The following CDH10 variants were observed in gnomAD, a reference collection of about 807,000 sequenced individuals.
CDH10 encodes the protein cadherin 10, also known as cadherin-10.
A neutral mutation model predicts 73.1 loss-of-function variants in CDH10; 30 were observed. The ratio of observed to expected loss-of-function variants is 0.41; its 90% CI spans 0.31 to 0.56. The LOEUF (loss-of-function observed/expected upper bound fraction) is 0.56, where lower values mean the gene tolerates loss of function less well. Among genes scored for constraint, CDH10 ranks in the 20% least tolerant of loss-of-function variants. CDH10 has a pLI of 0.27. For missense variants in CDH10, 815 were observed against 973.7 expected (o/e 0.84, Z 2.17); for synonymous variants, 345 against 348.2 (o/e 0.99, Z 0.10).
At chr5:24,522,002 C>T (rs190640111) in intron 5 of CDH10, among the ~76,000 whole-genome samples, 8 of 152,060 alleles carry the variant, frequency 5.3e-5, no homozygotes, top group Non-Finnish European at 8.8e-5. Context: ...GGTATGGTGG[C>T]AGGCGCCTGT....
At chr5:24,629,864 T>G (rs1747644706) in intron 1 of CDH10, among the ~76,000 whole-genome samples, 1 of 152,170 alleles carries the variant, frequency 6.6e-6, no homozygotes, top group African/African-American at 2.4e-5. Flanking sequence ...GGCAGTTCTT[T>G]ATAGCAGTGT....
intron 8 of CDH10, among the ~76,000 whole-genome samples, 189 bp from the exon 9 acceptor site, chr5:24,498,708 A>G (rs112950997): frequency 2.6e-5 from 4 of 152,294 alleles, no homozygotes; most frequent in African/African-American, 9.6e-5. Context: ...GAATTCAGTT[A>G]TTATTGGGCA....
chr5:24,603,355 C>T lies in CDH10; in HGVS notation c.-123-9742G>A, dbSNP rs12374563. 9.8e-3 allele frequency among the ~76,000 whole-genome samples: 1,491 copies of T among 152,166 alleles called. 24 individuals carry two copies. Among genetic ancestry groups the T allele is most frequent in the African/African-American group, 0.034 (1,418 of 41,498 alleles). On this transcript the variant is annotated intron_variant, in intron 1 of 11. Coordinates refer to ENST00000264463, the MANE Select transcript of CDH10 (RefSeq NM_006727.5). ...ATGTATCATTACTCTGACACCAAAA[C>T]GATAAAACATTACAAAGAGGAGAAT...
intron 1 of CDH10, among the ~76,000 whole-genome samples, chr5:24,628,477 G>A (rs1747584078): frequency 2.0e-5 from 3 of 152,186 alleles, no homozygotes; most frequent in Admixed American, 1.3e-4. Context: ...TAATTCCATT[G>A]CCACCCCTCA....
chr5:24,561,104 C>G (rs1744946522), intron 2 of CDH10, among the ~76,000 whole-genome samples: 1 of 152,098 alleles, frequency 6.6e-6, no homozygotes, highest in Non-Finnish European at 1.5e-5. Flanking sequence ...ACACACTATG[C>G]TCTCAATAAG....
At chr5:24,634,448 T>A (rs1747806106) in intron 1 of CDH10, among the ~76,000 whole-genome samples, 1 of 151,726 alleles carries the variant, frequency 6.6e-6, no homozygotes, top group African/African-American at 2.4e-5. Context: ...AATAGAATAT[T>A]TTAAATTAGC....
chr5:24,518,926 G>C (rs1023856894), intron 5 of CDH10, among the ~76,000 whole-genome samples: 5 of 128,480 alleles, frequency 3.9e-5, no homozygotes, highest in African/African-American at 1.5e-4. Context: ...AGTCTTGCTC[G>C]GTCACCCAGG....
At chr5:24,633,745 T>C (rs1000055521) in intron 1 of CDH10, among the ~76,000 whole-genome samples, 1 of 151,906 alleles carries the variant, frequency 6.6e-6, no homozygotes, top group African/African-American at 2.4e-5. Context: ...CATGTCAATA[T>C]GTAAACATTA....
intron 2 of CDH10, among the ~76,000 whole-genome samples, chr5:24,551,181 C>G (rs1744528705): frequency 6.6e-6 from 1 of 152,138 alleles, no homozygotes; most frequent in African/African-American, 2.4e-5. Flanking sequence ...ATATGCTACA[C>G]TTATTTCTAC....
intron 1 of CDH10, among the ~76,000 whole-genome samples, chr5:24,639,373 C>G (rs1015903270): frequency 6.6e-6 from 1 of 151,560 alleles, no homozygotes; most frequent in Non-Finnish European, 1.5e-5. Context: ...AAAATTTACT[C>G]CAAATTTTCC....
At chr5:24,492,478 G>A (rs779087109) in intron 10 of CDH10, among the ~76,000 whole-genome samples, 3 of 152,068 alleles carry the variant, frequency 2.0e-5, no homozygotes, top group Non-Finnish European at 4.4e-5. Flanking sequence ...AAATCTCACT[G>A]AAGTCTGCTT....
chr5:24,509,438 A>G (rs1742815605), intron 7 of CDH10, 128 bp downstream of exon 7: 7 of 705,806 alleles, frequency 9.9e-6, no homozygotes, highest in Admixed American at 2.9e-5. Flanking sequence ...ACAGGGTTTC[A>G]CCATGTTGGC....
chr5:24,528,279 C>G (rs2111845934), intron 5 of CDH10, among the ~76,000 whole-genome samples: 1 of 151,896 alleles, frequency 6.6e-6, no homozygotes, highest in African/African-American at 2.4e-5. Flanking sequence ...TCCCTTCTTT[C>G]TCATGCTGAA....
At chr5:24,575,626 T>G (rs1579831043) in intron 2 of CDH10, among the ~76,000 whole-genome samples, 1 of 152,248 alleles carries the variant, frequency 6.6e-6, no homozygotes, top group East Asian at 1.9e-4. Flanking sequence ...ATAAACATTT[T>G]TATTGAATGA....
intron 1 of CDH10, among the ~76,000 whole-genome samples, chr5:24,607,871 G>T (rs16893627): frequency 0.019 from 2,848 of 152,126 alleles, 88 homozygotes; most frequent in African/African-American, 0.065. Flanking sequence ...GAGATTATCT[G>T]GTGATTAAAC....
intron 3 of CDH10, among the ~76,000 whole-genome samples, chr5:24,536,798 C>T (rs900634142): frequency 5.9e-5 from 9 of 151,714 alleles, no homozygotes; most frequent in African/African-American, 1.9e-4. Flanking sequence ...ATGTATTTAA[C>T]CATAGGTTTT....
At chr5:24,495,386 T>A (rs964318078) in intron 9 of CDH10, among the ~76,000 whole-genome samples, 2 of 152,182 alleles carry the variant, frequency 1.3e-5, no homozygotes, top group East Asian at 3.9e-4. Flanking sequence ...TAATCTTAAA[T>A]CAACTTGAGG....
chr5:24,527,839 A>C (rs568905053), intron 5 of CDH10, among the ~76,000 whole-genome samples: 1 of 151,902 alleles, frequency 6.6e-6, no homozygotes, highest in East Asian at 1.9e-4. Context: ...AACTGAAATG[A>C]AAAAAGGTAA....
chr5:24,533,406 ATGTAT>A (rs1743819699), intron 5 of CDH10, among the ~76,000 whole-genome samples: 1 of 152,076 alleles, frequency 6.6e-6, no homozygotes, highest in South Asian at 2.1e-4. Flanking sequence ...AATCCTCTAA[ATGTAT>A]TGTACTATAC....
Sources: allele counts gnomAD v4.1 joint callset (sites outside exome capture counted in the v4.1 genomes callset), GRCh38; gene constraint gnomAD v4.1.1; transcripts MANE v1.5; gene names NCBI Gene and HGNC (gene_info 2026-07-23, HGNC 2026-07-21).